ERBB4: variants seen among roughly 807,000 people sequenced by gnomAD.
The protein encoded by ERBB4 is erb-b2 receptor tyrosine kinase 4.
Under a neutral mutation model 158.0 loss-of-function variants are expected in ERBB4, and 42 were observed. That is an observed-to-expected ratio of 0.27 (90% CI 0.21 to 0.34). The LOEUF is 0.34. Ranked by LOEUF, ERBB4 falls within the 10% of genes least tolerant of loss-of-function variation. The pLI, the probability that ERBB4 is intolerant of heterozygous loss-of-function variation, is 1.00. For synonymous variants in ERBB4, 583 were observed against 558.7 expected, an observed-to-expected ratio of 1.04 and a Z score of -0.61; for missense variants, 1,333 against 1,624.1, an observed-to-expected ratio of 0.82 and a Z score of 3.08.
chr2:211,645,789 A>G (rs12694249), intron 16 of ERBB4, among the ~76,000 whole-genome samples: 132,301 of 151,598 alleles, frequency 0.87, 60,084 homozygotes, highest in East Asian at 1. Context: ...TTAAACTCAC[A>G]TTGTAACTTC....
chr2:211,737,718 G>C (rs182200184), intron 5 of ERBB4, among the ~76,000 whole-genome samples: 5 of 152,090 alleles, frequency 3.3e-5, no homozygotes, highest in Non-Finnish European at 5.9e-5. Context: ...TATTAATTTG[G>C]AATAGTGCCT....
intron 19 of ERBB4, among the ~76,000 whole-genome samples, chr2:211,589,655 G>T (rs554540232): frequency 6.6e-6 from 1 of 151,992 alleles, no homozygotes; most frequent in Non-Finnish European, 1.5e-5. Flanking sequence ...CTGAGAATAC[G>T]TATCAAAACG....
chr2:212,002,872 A>G (rs920469251), intron 2 of ERBB4, among the ~76,000 whole-genome samples: 1 of 151,904 alleles, frequency 6.6e-6, no homozygotes, highest in Non-Finnish European at 1.5e-5. Flanking sequence ...CAGCCTGGCC[A>G]ATATGGTGAA....
intron 1 of ERBB4, among the ~76,000 whole-genome samples, chr2:212,256,073 G>C (rs2084729096): frequency 6.6e-6 from 1 of 151,004 alleles, no homozygotes; most frequent in African/African-American, 2.4e-5. Context: ...GTGTCAAGCA[G>C]TCCTCCCATC....
At chr2:212,345,002 C>A (rs1198896403) in intron 1 of ERBB4, among the ~76,000 whole-genome samples, 4 of 152,012 alleles carry the variant, frequency 2.6e-5, no homozygotes, top group Non-Finnish European at 5.9e-5. Context: ...TGGGTCACGC[C>A]TGTAATCCCA....
chr2:211,981,269 A>G (rs12613571), intron 2 of ERBB4, among the ~76,000 whole-genome samples: 12,896 of 151,824 alleles, frequency 0.085, 953 homozygotes, highest in South Asian at 0.31. Context: ...CGCACAGACT[A>G]AATAAGACCA....
intron 1 of ERBB4, among the ~76,000 whole-genome samples, chr2:212,492,487 C>T (rs1690334581): frequency 6.6e-6 from 1 of 151,204 alleles, no homozygotes; most frequent in African/African-American, 2.4e-5. Context: ...AAATTAATTG[C>T]CTACATTTAA....
intron 20 of ERBB4, among the ~76,000 whole-genome samples, chr2:211,496,271 C>A (rs1490000787): frequency 6.6e-6 from 1 of 151,924 alleles, no homozygotes; most frequent in Non-Finnish European, 1.5e-5. Context: ...GCCCATGAGT[C>A]CTAAATGTGT....
At chr2:211,873,539 T>C (rs1402784716) in intron 3 of ERBB4, among the ~76,000 whole-genome samples, 1 of 152,298 alleles carries the variant, frequency 6.6e-6, no homozygotes, top group African/African-American at 2.4e-5. Context: ...ACTATTTACA[T>C]ACACCTACAT....
intron 2 of ERBB4, among the ~76,000 whole-genome samples, chr2:211,969,313 GA>G (rs2081388890): frequency 6.6e-6 from 1 of 151,992 alleles, no homozygotes. Context: ...ATTCAGAGTT[GA>G]ATAGACATAT....
chr2:211,884,154 A>G (rs919426435), intron 3 of ERBB4, among the ~76,000 whole-genome samples: 15 of 152,144 alleles, frequency 9.9e-5, no homozygotes, highest in Non-Finnish European at 2.2e-4. Flanking sequence ...ACCTGCATCT[A>G]ATAGCAACAC....
At chr2:212,040,618 A>G (rs565154174) in intron 2 of ERBB4, among the ~76,000 whole-genome samples, 2 of 152,242 alleles carry the variant, frequency 1.3e-5, no homozygotes, top group Admixed American at 6.5e-5. Flanking sequence ...CAGTTGCCCT[A>G]TATTCACCTC....
chr2:212,536,379 G>A (rs907028956), intron 1 of ERBB4, among the ~76,000 whole-genome samples: 15 of 152,204 alleles, frequency 9.9e-5, no homozygotes, highest in African/African-American at 2.4e-4. Flanking sequence ...ACCTTAGTAT[G>A]CGTGTTGCAA....
Position 211,712,091 on chromosome 2 carries a change from C to G in ERBB4, c.1083G>C (p.Lys361Asn). The change falls in exon 9 of 28, where the codon AAG (lysine) becomes AAC (asparagine). Residue 361 changes from lysine (K) to asparagine (N), a missense_variant. Transcript: ENST00000342788. ...CTAGAAAGATCAAATTCCCATTGAT[C>G]TTGGTACAGTTTATGAATTTGTCAA... ...SNIDKFINCT[K>N]INGNLIFLVT... is the part of the protein sequence containing the mutation. 1 of 1,612,412 alleles carries G rather than the reference C, an allele frequency of 6.2e-7. No individual in the cohort carries two copies. The highest frequency in any genetic ancestry group is 8.5e-7 in the Non-Finnish European group (1 of 1,178,570).
intron 2 of ERBB4, among the ~76,000 whole-genome samples, chr2:212,018,847 A>C (rs1015564535): frequency 6.6e-6 from 1 of 152,166 alleles, no homozygotes; most frequent in African/African-American, 2.4e-5. Flanking sequence ...CAAATTGGGC[A>C]ATCTGGGGAT....
chr2:211,678,149 A>G (rs980038706), intron 13 of ERBB4, among the ~76,000 whole-genome samples: 1 of 152,058 alleles, frequency 6.6e-6, no homozygotes, highest in African/African-American at 2.4e-5. Context: ...TACTGCTTAG[A>G]TTATCTAAAA....
At chr2:212,070,672 C>G (rs576383604) in intron 2 of ERBB4, among the ~76,000 whole-genome samples, 2 of 152,096 alleles carry the variant, frequency 1.3e-5, no homozygotes, top group African/African-American at 4.8e-5. Context: ...CTGTCTTACA[C>G]CATACACAGA....
At chr2:211,669,216 CAAAA>C (rs71054124) in intron 14 of ERBB4, among the ~76,000 whole-genome samples, 11 of 56,106 alleles carry the variant, frequency 2.0e-4, no homozygotes, top group Admixed American at 6.7e-4. Flanking sequence ...GAGTGAGTCT[CAAAA>C]AAAAAAAAAA....
intron 1 of ERBB4, among the ~76,000 whole-genome samples, chr2:212,194,277 G>A (rs969581567): frequency 9.4e-6 from 1 of 106,482 alleles, no homozygotes; most frequent in South Asian, 3.8e-4. Flanking sequence ...TTTATATATA[G>A]TTTAAATAGT....
Sources: allele counts gnomAD v4.1 joint callset (sites outside exome capture counted in the v4.1 genomes callset), GRCh38; gene constraint gnomAD v4.1.1; transcripts MANE v1.5; gene names NCBI Gene and HGNC (gene_info 2026-07-23, HGNC 2026-07-21).